ATRX: variants seen among roughly 807,000 people sequenced by gnomAD.
The protein encoded by ATRX is ATRX chromatin remodeler, also known as chromatin remodeler ATRX.
Under a neutral mutation model 172.6 loss-of-function variants are expected in ATRX, and 12 were observed. The ratio of observed to expected loss-of-function variants is 0.07; its 90% CI spans 0.04 to 0.11. ATRX has a LOEUF of 0.11. ATRX is among the 10% of genes least tolerant of loss of function. ATRX has a pLI of 1.00. For missense variants in ATRX, 1,368 were observed against 1,767.4 expected, an observed-to-expected ratio of 0.77 and a Z score of 4.05; for synonymous variants, 674 against 594.7, an observed-to-expected ratio of 1.13 and a Z score of -1.94.
At chrX:77,711,603 G>A (rs1336580994) in intron 2 of ATRX, among the ~76,000 whole-genome samples, 3 of 112,378 alleles carry the variant, frequency 2.7e-5, no homozygotes, top group African/African-American at 6.5e-5. Context: ...GGGAAGCCGA[G>A]GCAGGCAGAT....
chrX:77,735,126 A>C (rs1332783043), intron 1 of ATRX, among the ~76,000 whole-genome samples: 1 of 111,192 alleles, frequency 9.0e-6, no homozygotes, highest in Non-Finnish European at 1.9e-5. Flanking sequence ...TAAATAAATA[A>C]ATGGTGCCGG....
At chrX:77,694,030 C>T in intron 5 of ATRX, 93 bp from the exon 6 acceptor site, 1 of 700,731 alleles carries the variant, frequency 1.4e-6, no homozygotes, top group Non-Finnish European at 2.2e-6. Flanking sequence ...ATTGCTGGTA[C>T]ATAGTTTGTT....
chrX:77,643,198 G>A (rs1557111958), intron 15 of ATRX, among the ~76,000 whole-genome samples: 1 of 110,181 alleles, frequency 9.1e-6, no homozygotes, highest in African/African-American at 3.3e-5. Context: ...ACTGACATAA[G>A]GCTCTCATCA....
chrX:77,565,425 T>C (rs1391283469), intron 28 of ATRX, among the ~76,000 whole-genome samples: 5 of 112,363 alleles, frequency 4.4e-5, no homozygotes, highest in African/African-American at 9.7e-5. Context: ...TGAGATGACA[T>C]AGATGTTAGA....
At chrX:77,549,216 C>T (rs1378812625) in intron 30 of ATRX, among the ~76,000 whole-genome samples, 1 of 111,287 alleles carries the variant, frequency 9.0e-6, no homozygotes, top group African/African-American at 3.3e-5. Context: ...GAAAGCCCAT[C>T]TCTATGAAAA....
At chrX:77,534,531 A>G (rs1444899697) in intron 30 of ATRX, among the ~76,000 whole-genome samples, 1 of 112,010 alleles carries the variant, frequency 8.9e-6, no homozygotes, top group Non-Finnish European at 1.9e-5. Flanking sequence ...TAACACTATT[A>G]TTGAAAACAA....
At chrX:77,525,248 G>A (rs918997643) in intron 30 of ATRX, among the ~76,000 whole-genome samples, 1 of 111,633 alleles carries the variant, frequency 9.0e-6, no homozygotes, top group South Asian at 3.8e-4. Context: ...ACATACAATA[G>A]GTTTATCATC....
chrX:77,635,742 T>A (rs2068317525), intron 16 of ATRX, among the ~76,000 whole-genome samples, 173 bp downstream of exon 16: 1 of 111,750 alleles, frequency 8.9e-6, no homozygotes, highest in African/African-American at 3.3e-5. Context: ...AATCACCCAA[T>A]TTTGTTCTTC....
chrX:77,602,221 C>T (rs1415318481), intron 22 of ATRX, among the ~76,000 whole-genome samples: 3 of 111,262 alleles, frequency 2.7e-5, no homozygotes, highest in Non-Finnish European at 5.6e-5. Flanking sequence ...GTTGACCAGG[C>T]TGTTCTTAAA....
rs1173481023 is a variant in ATRX at position 77,773,667 on chromosome X, G to T, written c.20+12315C>A. On this transcript the variant is annotated intron_variant, in intron 1 of 34. Coordinates refer to ENST00000373344, the MANE Select transcript of ATRX (RefSeq NM_000489.6). ...CTCAGGAGGCTGAGGCAGGAGAATC[G>T]CCTGGACCCAGGAGGCGGAGGCTGC... Among the ~76,000 whole-genome samples the T allele has an allele frequency of 5.5e-5, 6 of 109,763 alleles. No individual in the cohort carries two copies. In the Admixed American group the frequency reaches 5.9e-4, roughly 11 times the overall value.
chrX:77,523,195 A>G, intron 31 of ATRX, 57 bp downstream of exon 31: 1 of 1,182,798 alleles, frequency 8.5e-7, no homozygotes, highest in Non-Finnish European at 1.1e-6. Flanking sequence ...TTTCTTCTTC[A>G]TTGCTCTTTC....
At chrX:77,731,185 T>C (rs970646698) in intron 1 of ATRX, among the ~76,000 whole-genome samples, 5 of 109,276 alleles carry the variant, frequency 4.6e-5, no homozygotes, top group Admixed American at 9.8e-5. Flanking sequence ...AATAAAAAGG[T>C]TCATTCATGG....
chrX:77,748,945 A>C (rs950409629), intron 1 of ATRX, among the ~76,000 whole-genome samples: 1 of 111,420 alleles, frequency 9.0e-6, no homozygotes, highest in African/African-American at 3.3e-5. Flanking sequence ...CAGGCTATTT[A>C]CTAAGTGTTT....
chrX:77,556,210 A>T (rs1223504514), intron 30 of ATRX, among the ~76,000 whole-genome samples: 1 of 45,427 alleles, frequency 2.2e-5, no homozygotes, highest in Non-Finnish European at 3.9e-5. Flanking sequence ...GGAGAGGGGG[A>T]AAGGGAGAGA....
chrX:77,668,707 C>G (rs1557127712), intron 10 of ATRX, among the ~76,000 whole-genome samples: 1 of 110,201 alleles, frequency 9.1e-6, no homozygotes, highest in Admixed American at 9.7e-5. Flanking sequence ...TAAATAGGAC[C>G]CCAAAACCCA....
chrX:77,681,809 T>C lies in ATRX; in HGVS notation c.3447A>G (p.Ile1149Met). ...NLSSKRNTKE[I>M]QSGSSSSDAE... ...CATCAGATGATGATGAGCCACTTTGTATTTCCTTAGTATTTCTCTTTGAAC... is the reference window on the plus strand; with the variant it reads ...CATCAGATGATGATGAGCCACTTTGCATTTCCTTAGTATTTCTCTTTGAAC... The change falls in exon 9 of 35, where the codon ATA becomes ATG. Residue 1149 changes from isoleucine (I) to methionine (M), a missense_variant. Ile to Met is a conservative substitution (Grantham distance 10). Around this residue, in one of 17 missense-constraint regions of ATRX, gnomAD observed 843 missense variants for 643.1 expected, o/e 1.31. Transcript: ENST00000373344. The C allele has an allele frequency of 8.3e-7, 1 of 1,198,880 alleles. No homozygotes were observed.
chrX:77,746,599 C>G (rs1557185047), intron 1 of ATRX, among the ~76,000 whole-genome samples: 1 of 111,652 alleles, frequency 9.0e-6, no homozygotes, highest in African/African-American at 3.3e-5. Flanking sequence ...CTATATTCAA[C>G]TATTAAATGG....
chrX:77,552,069 T>G (rs1287084765), intron 30 of ATRX, among the ~76,000 whole-genome samples: 10 of 111,472 alleles, frequency 9.0e-5, no homozygotes, highest in Non-Finnish European at 1.3e-4. Context: ...TGGCGATTCC[T>G]CAAGGATCCA....
chrX:77,595,843 C>A (rs1333920138), intron 25 of ATRX: 1 of 111,518 alleles, frequency 9.0e-6, no homozygotes, highest in Non-Finnish European at 1.9e-5. Flanking sequence ...ACATCATATA[C>A]AAGGATTCTG....
Sources: gnomAD v4.1 joint callset for allele counts (sites outside exome capture counted in the v4.1 genomes callset) on GRCh38, gnomAD v4.1.1 for gene constraint, gnomAD v4.1.1 regional missense constraint, MANE v1.5 for transcripts, NCBI Gene and HGNC (gene_info 2026-07-23, HGNC 2026-07-21) for gene names.